Variants in BABAM2 observed in about 807,000 individuals in gnomAD.
The protein encoded by BABAM2 is BRISC and BRCA1-A complex member 2.
A neutral mutation model predicts 54.7 loss-of-function variants in BABAM2; 31 were observed. That is an observed-to-expected ratio of 0.57 (90% CI 0.43 to 0.77). The LOEUF (loss-of-function observed/expected upper bound fraction) is 0.77, where lower values mean the gene tolerates loss of function less well. Among genes scored for constraint, BABAM2 ranks in the 30% least tolerant of loss-of-function variants. BABAM2 has a pLI of 0.00. For missense variants in BABAM2, 364 were observed against 455.8 expected, an observed-to-expected ratio of 0.80 and a Z score of 1.83; for synonymous variants, 167 against 162.9, an observed-to-expected ratio of 1.03 and a Z score of -0.19.
intron 10 of BABAM2, among the ~76,000 whole-genome samples, chr2:28,287,586 C>G (rs1471090884): frequency 1.3e-5 from 2 of 152,140 alleles, no homozygotes; most frequent in African/African-American, 4.8e-5. Flanking sequence ...CAACAATCCC[C>G]CTGAGAAGTG....
At chr2:28,259,272 GAGAC>G (rs1218673637) in intron 10 of BABAM2, among the ~76,000 whole-genome samples, 1 of 149,736 alleles carries the variant, frequency 6.7e-6, no homozygotes, top group African/African-American at 2.5e-5. Context: ...ATTTTTGGTA[GAGAC>G]AGAGTTTCAC....
intron 11 of BABAM2, among the ~76,000 whole-genome samples, chr2:28,312,142 A>C (rs1689142234): frequency 6.6e-6 from 1 of 152,202 alleles, no homozygotes; most frequent in Non-Finnish European, 1.5e-5. Context: ...CTTCTCATTA[A>C]GGCATGAATT....
chr2:27,994,902 G>T (rs1359047687), intron 4 of BABAM2, among the ~76,000 whole-genome samples: 1 of 152,158 alleles, frequency 6.6e-6, no homozygotes, highest in African/African-American at 2.4e-5. Flanking sequence ...TTAGGGTCCA[G>T]TCAGGAGACA....
chr2:28,255,260 A>G (rs1044279360), intron 10 of BABAM2, among the ~76,000 whole-genome samples: 4 of 152,038 alleles, frequency 2.6e-5, no homozygotes, highest in African/African-American at 9.7e-5. Context: ...TAGTTATTTC[A>G]TTTAGAATCT....
chr2:28,005,803 C>T (rs1335063344), intron 4 of BABAM2, among the ~76,000 whole-genome samples: 1 of 152,094 alleles, frequency 6.6e-6, no homozygotes, highest in Admixed American at 6.5e-5. Flanking sequence ...ATTGCCACGT[C>T]ATAATCTTGT....
At chr2:28,161,331 G>C (rs979238173) in intron 7 of BABAM2, among the ~76,000 whole-genome samples, 2 of 152,116 alleles carry the variant, frequency 1.3e-5, no homozygotes, top group Non-Finnish European at 2.9e-5. Flanking sequence ...AGGTGCTGGG[G>C]TCAACCAGTG....
chr2:28,263,070 C>T (rs1207906151), intron 10 of BABAM2, among the ~76,000 whole-genome samples: 1 of 147,388 alleles, frequency 6.8e-6, no homozygotes, highest in Non-Finnish European at 1.5e-5. Context: ...AGCAATTTAT[C>T]TCTCGAAAGA....
chr2:28,263,386 G>C (rs544734950), intron 10 of BABAM2, among the ~76,000 whole-genome samples: 4 of 152,300 alleles, frequency 2.6e-5, no homozygotes, highest in African/African-American at 9.6e-5. Flanking sequence ...AAGTCCCATA[G>C]CTAGTAGCTG....
rs554431381 is a variant in BABAM2 at position 28,245,202 on chromosome 2, C to A, written c.934+340C>A. On this transcript the variant is annotated intron_variant, in intron 10 of 11. Transcript: ENST00000379624. ...CACATGACAGCCCCTCACACACACA[C>A]ACAAAAAATTATTGAATGCAAAATC... 7.6e-4 allele frequency among the ~76,000 whole-genome samples: 116 copies of A among 151,846 alleles called. 1 individual carries two copies. Among genetic ancestry groups the A allele is most frequent in the Admixed American group, 3.1e-3 (48 of 15,240 alleles).
intron 6 of BABAM2, among the ~76,000 whole-genome samples, chr2:28,054,187 A>C (rs1215993923): frequency 6.6e-6 from 1 of 152,142 alleles, no homozygotes; most frequent in Non-Finnish European, 1.5e-5. Context: ...GTGCATCATA[A>C]ATAGATACGT....
At chr2:28,227,788 A>C (rs1573885187) in intron 7 of BABAM2, among the ~76,000 whole-genome samples, 1 of 152,104 alleles carries the variant, frequency 6.6e-6, no homozygotes, top group Non-Finnish European at 1.5e-5. Flanking sequence ...TGGTGTGAGG[A>C]CCACCTGCAT....
chr2:27,929,786 G>GT (rs772518475), intron 2 of BABAM2, 46 bp from the exon 3 acceptor site: 1 of 1,556,348 alleles, frequency 6.4e-7, no homozygotes, highest in South Asian at 1.1e-5. Context: ...TTTAAAGTTT[G>GT]TTTTTAAAAA....
chr2:28,179,959 AT>A (rs1166094037), intron 7 of BABAM2, among the ~76,000 whole-genome samples: 2 of 152,146 alleles, frequency 1.3e-5, no homozygotes, highest in Non-Finnish European at 2.9e-5. Context: ...GATGAAAGAA[AT>A]TGAAAAGGAT....
intron 7 of BABAM2, among the ~76,000 whole-genome samples, chr2:28,160,307 T>G (rs535002996): frequency 5.9e-5 from 9 of 152,324 alleles, no homozygotes; most frequent in African/African-American, 1.7e-4. Flanking sequence ...ATATTCTTTT[T>G]AGCTGGGCCC....
At chr2:27,952,442 C>T (rs1370342725) in intron 3 of BABAM2, among the ~76,000 whole-genome samples, 5 of 152,182 alleles carry the variant, frequency 3.3e-5, no homozygotes, top group Non-Finnish European at 7.3e-5. Context: ...AGACAGGACA[C>T]ATACTTTTTC....
chr2:28,096,561 C>T (rs1319173873), intron 6 of BABAM2, among the ~76,000 whole-genome samples: 1 of 152,120 alleles, frequency 6.6e-6, no homozygotes, highest in Non-Finnish European at 1.5e-5. Flanking sequence ...TAAACCAGCT[C>T]TCCAGTGCTC....
intron 7 of BABAM2, among the ~76,000 whole-genome samples, chr2:28,221,458 G>A (rs1468694849): frequency 4.6e-5 from 7 of 152,114 alleles, no homozygotes; most frequent in Non-Finnish European, 4.4e-5. Context: ...AGTTGTTGTT[G>A]TTGTTGTTGC....
intron 7 of BABAM2, among the ~76,000 whole-genome samples, chr2:28,167,346 A>G (rs1449209039): frequency 6.6e-6 from 1 of 152,192 alleles, no homozygotes; most frequent in African/African-American, 2.4e-5. Flanking sequence ...ATCCTTAAGG[A>G]TTTCATAAAT....
chr2:28,142,829 T>G (rs927356730), intron 7 of BABAM2, among the ~76,000 whole-genome samples: 2 of 152,164 alleles, frequency 1.3e-5, no homozygotes, highest in Non-Finnish European at 2.9e-5. Flanking sequence ...AATATCATCA[T>G]ATATTATTCC....
Sources: allele counts gnomAD v4.1 joint callset (sites outside exome capture counted in the v4.1 genomes callset), GRCh38; gene constraint gnomAD v4.1.1; transcripts MANE v1.5; gene names NCBI Gene and HGNC (gene_info 2026-07-23, HGNC 2026-07-21).